Variants in EIF2S1 observed in about 807,000 individuals in gnomAD.
The protein encoded by EIF2S1 is eukaryotic translation initiation factor 2 subunit alpha.
Under a neutral mutation model 33.5 loss-of-function variants are expected in EIF2S1, and 5 were observed. The ratio of observed to expected loss-of-function variants is 0.15; its 90% CI spans 0.08 to 0.31. The LOEUF (loss-of-function observed/expected upper bound fraction) is 0.31. Among genes scored for constraint, EIF2S1 ranks in the 10% least tolerant of loss-of-function variants. The probability of loss-of-function intolerance (pLI) is 1.00; values close to 1 mark genes in which losing one functional copy is unlikely to be tolerated. For missense variants in EIF2S1, 191 were observed against 384.6 expected (o/e 0.50, Z 4.21); for synonymous variants, 99 against 127.5 (o/e 0.78, Z 1.51).
At chr14:67,368,635 G>A (rs2085797243) in intron 2 of EIF2S1, among the ~76,000 whole-genome samples, 2 of 151,878 alleles carry the variant, frequency 1.3e-5, no homozygotes, top group Admixed American at 1.3e-4. Context: ...GGAGGTGTGG[G>A]GTAAATAGAT....
chr14:67,373,374 A>G (rs565932240), intron 2 of EIF2S1, among the ~76,000 whole-genome samples: 9 of 152,262 alleles, frequency 5.9e-5, no homozygotes, highest in South Asian at 4.1e-4. Flanking sequence ...AAATAAAATC[A>G]GTGTATATGA....
rs1044706661 is a variant in EIF2S1, at chr14:67,384,972, A to AT, written c.*1538dup. The AT allele has an allele frequency of 6.6e-6, 1 of 152,086 alleles. No individual in the cohort carries two copies. The highest frequency in any genetic ancestry group is 6.5e-5 in the Admixed American group (1 of 15,274). 9.4% of individuals were successfully genotyped at this position (152,086 alleles called of 1,614,324 possible). On this transcript the variant is annotated 3_prime_UTR_variant, in exon 8 of 8. Transcript: ENST00000256383. ...GTGCTTCTTTGTTGTACGCAGAGGA[A>AT]TTTTTTCTTTTGATTTTGTTTACTG...
At chr14:67,369,228 T>C (rs1166064396) in intron 2 of EIF2S1, among the ~76,000 whole-genome samples, 1 of 152,210 alleles carries the variant, frequency 6.6e-6, no homozygotes, top group Non-Finnish European at 1.5e-5. Context: ...TGTCTATTAA[T>C]ATTAGATAAA....
At chr14:67,369,341 G>A (rs2085803570) in intron 2 of EIF2S1, among the ~76,000 whole-genome samples, 1 of 152,202 alleles carries the variant, frequency 6.6e-6, no homozygotes, top group Non-Finnish European at 1.5e-5. Context: ...CTGTGTATGT[G>A]CCTAATAATA....
Position 67,360,424 on chromosome 14 carries a change from G to A in EIF2S1, c.-34G>A. On this transcript the variant is annotated 5_prime_UTR_variant, in exon 1 of 8. Coordinates refer to ENST00000256383, the MANE Select transcript of EIF2S1 (RefSeq NM_004094.5). ...TCTGTGATTGAAGAAGTCGGCTCTG[G>A]GCTCCAGTGCGGGAATCACACACAT... The A allele has an allele frequency of 2.6e-6, 1 of 392,050 alleles. No homozygotes were observed. Among genetic ancestry groups the A allele is most frequent in the Middle Eastern group, 6.4e-4 (1 of 1,564 alleles). The allele number at this position is 392,050 out of a possible 1,614,324, so 24.3% of individuals were successfully genotyped here.
intron 4 of EIF2S1, among the ~76,000 whole-genome samples, chr14:67,378,756 G>A (rs1232948054): frequency 6.6e-6 from 1 of 152,096 alleles, no homozygotes; most frequent in Non-Finnish European, 1.5e-5. Flanking sequence ...TTCATGTAGG[G>A]ACTGTCCAGA....
intron 2 of EIF2S1, among the ~76,000 whole-genome samples, chr14:67,371,562 CA>C (rs975638573): frequency 6.6e-6 from 1 of 152,196 alleles, no homozygotes; most frequent in Non-Finnish European, 1.5e-5. Context: ...ATAGCCTATA[CA>C]CACATAGGTT....
At chr14:67,381,780 A>G (rs560042178) in intron 6 of EIF2S1, 90 bp downstream of exon 6, 6 of 885,554 alleles carry the variant, frequency 6.8e-6, no homozygotes, top group Non-Finnish European at 1.0e-5. Context: ...TTTTTTAATC[A>G]CATTTCATAA....
At chr14:67,364,628 G>T (rs2085762204) in intron 1 of EIF2S1, 139 bp from the exon 2 acceptor site, 2 of 836,978 alleles carry the variant, frequency 2.4e-6, no homozygotes, top group Non-Finnish European at 3.5e-6. Flanking sequence ...CACTTAAGAA[G>T]TTTCAAAGGA....
At chr14:67,372,397 C>A (rs2085828339) in intron 2 of EIF2S1, among the ~76,000 whole-genome samples, 1 of 152,134 alleles carries the variant, frequency 6.6e-6, no homozygotes, top group African/African-American at 2.4e-5. Context: ...TTAGATAGCA[C>A]ACTAAAAGCG....
At chr14:67,375,697 T>G (rs2085854217) in intron 3 of EIF2S1, among the ~76,000 whole-genome samples, 1 of 152,232 alleles carries the variant, frequency 6.6e-6, no homozygotes, top group Admixed American at 6.5e-5. Flanking sequence ...ACACTGTCAG[T>G]AAAATATCTT....
chr14:67,367,996 T>C (rs2085791761), intron 2 of EIF2S1, among the ~76,000 whole-genome samples: 1 of 152,238 alleles, frequency 6.6e-6, no homozygotes. Flanking sequence ...TGTGGGATTG[T>C]AATCTATAGA....
At chr14:67,364,696 T>C in intron 1 of EIF2S1, 71 bp from the exon 2 acceptor site, 1 of 1,415,604 alleles carries the variant, frequency 7.1e-7, no homozygotes, top group African/African-American at 1.5e-5. Context: ...AGTGGCAGGA[T>C]GTGGAAATTG....
At chr14:67,381,436 CCTT>C (rs1289528540) in intron 5 of EIF2S1, among the ~76,000 whole-genome samples, 154 bp from the exon 6 acceptor site, 1 of 152,226 alleles carries the variant, frequency 6.6e-6, no homozygotes, top group East Asian at 1.9e-4. Context: ...CCACACTCCT[CCTT>C]GCCTCCCTTT....
intron 1 of EIF2S1, among the ~76,000 whole-genome samples, chr14:67,362,961 C>T (rs907421485): frequency 1.3e-5 from 2 of 152,026 alleles, no homozygotes; most frequent in African/African-American, 4.8e-5. Context: ...ATAGTCATAT[C>T]CCTTCAGGAT....
At chr14:67,372,387 TTAGA>T (rs1185905584) in intron 2 of EIF2S1, among the ~76,000 whole-genome samples, 5 of 152,220 alleles carry the variant, frequency 3.3e-5, no homozygotes, top group Admixed American at 6.5e-5. Flanking sequence ...CAAAGATTTC[TTAGA>T]TAGCACACTA....
At chr14:67,373,075 C>G (rs1031327477) in intron 2 of EIF2S1, among the ~76,000 whole-genome samples, 2 of 152,106 alleles carry the variant, frequency 1.3e-5, no homozygotes, top group African/African-American at 4.8e-5. Context: ...CTAACTGCTC[C>G]ACATTGCTCA....
intron 1 of EIF2S1, 97 bp downstream of exon 1, chr14:67,360,553 C>G (rs1052443853): frequency 1.3e-5 from 3 of 224,520 alleles, no homozygotes; most frequent in African/African-American, 6.8e-5. Context: ...GCTAATACCT[C>G]CCTTTCCCGT....
Position 67,384,020 on chromosome 14 carries a change from ATTTAAC to A in EIF2S1, c.*587_*592del, listed in dbSNP as rs1351006085. 3.8e-5 allele frequency: 6 copies of A among 157,530 alleles called. No homozygotes were observed. The highest frequency in any genetic ancestry group is 8.4e-5 in the Non-Finnish European group (6 of 71,242). The allele number at this position is 157,530 out of a possible 1,614,324, so 9.8% of individuals were successfully genotyped here. On this transcript the variant is annotated 3_prime_UTR_variant, in exon 8 of 8. Coordinates refer to ENST00000256383, the MANE Select transcript of EIF2S1 (RefSeq NM_004094.5). The stretch of plus-strand genomic sequence containing the variant: ...AAAAGAAGAGTTTTAGAGAAAATAA[ATTTAAC>A]TTTAACCACAGTGAAAGTTGACCCT...
Sources: allele counts gnomAD v4.1 joint callset (sites outside exome capture counted in the v4.1 genomes callset), GRCh38; gene constraint gnomAD v4.1.1; transcripts MANE v1.5; gene names NCBI Gene and HGNC (gene_info 2026-07-23, HGNC 2026-07-21).